ELAC1: variants seen among roughly 807,000 people sequenced by gnomAD.
The protein encoded by ELAC1 is elaC ribonuclease Z 1.
A neutral mutation model predicts 25.8 loss-of-function variants in ELAC1; 19 were observed. The observed-to-expected ratio is 0.74, with a 90% CI of 0.51 to 1.08. ELAC1 has a LOEUF of 1.08. ELAC1 is among the 50% of genes least tolerant of loss of function. The pLI, the probability that ELAC1 is intolerant of heterozygous loss-of-function variation, is 0.00. For missense variants in ELAC1, 403 were observed against 434.6 expected (o/e 0.93, Z 0.65); for synonymous variants, 148 against 160.9 (o/e 0.92, Z 0.61).
At chr18:50,971,645 C>T (rs1907656626) in intron 1 of ELAC1, among the ~76,000 whole-genome samples, 4 of 151,888 alleles carry the variant, frequency 2.6e-5, no homozygotes, top group Admixed American at 6.6e-5. Context: ...TCCTCCCACC[C>T]CAGCCTCCCA....
At chr18:50,974,639 G>C in intron 2 of ELAC1, 78 bp downstream of exon 2, 6 of 1,411,438 alleles carry the variant, frequency 4.3e-6, no homozygotes, top group Non-Finnish European at 6.0e-6. Context: ...TGGACATTTT[G>C]TTTAGAAACA....
intron 2 of ELAC1, among the ~76,000 whole-genome samples, chr18:50,980,052 T>C (rs749180406): frequency 6.6e-6 from 1 of 152,088 alleles, no homozygotes; most frequent in Non-Finnish European, 1.5e-5. Flanking sequence ...AAATAAACAG[T>C]TGGAGTTGGG....
intron 2 of ELAC1, among the ~76,000 whole-genome samples, chr18:50,975,003 G>A (rs1330562652): frequency 6.6e-6 from 1 of 152,162 alleles, no homozygotes; most frequent in Non-Finnish European, 1.5e-5. Flanking sequence ...CCTGTGGATT[G>A]TCAAAGGAGG....
intron 3 of ELAC1, 30 bp downstream of exon 3, chr18:50,984,593 C>A: frequency 6.6e-7 from 1 of 1,515,466 alleles, no homozygotes. Flanking sequence ...TTGTTTTTTC[C>A]CGCCTTCTCA....
intron 1 of ELAC1, among the ~76,000 whole-genome samples, chr18:50,974,128 ATATAGT>A (rs1907732047): frequency 6.6e-6 from 1 of 152,166 alleles, no homozygotes; most frequent in Non-Finnish European, 1.5e-5. Flanking sequence ...TGAGAACATC[ATATAGT>A]TAGAATTCAG....
rs750626518 is a variant in ELAC1 at position 50,984,411 on chromosome 18, TAGACTC to T, written c.477_482del (p.Asp159_Ser160del). 6.8e-6 allele frequency: 11 copies of T among 1,614,196 alleles called. No homozygotes were observed. The highest frequency in any genetic ancestry group is 2.2e-5 in the South Asian group (2 of 91,078). ...GAGGAACAAGGAAGAACTATCCTGT[TAGACTC>T]AGAAGAAAACTCATACCTTCTGTTT... On this transcript the variant is annotated inframe_deletion, in exon 3 of 4. Coordinates refer to ENST00000269466, the MANE Select transcript of ELAC1 (RefSeq NM_018696.3).
In ELAC1 at chr18:50,984,295, G is replaced by A; in HGVS notation, c.357G>A (p.Val119=). The A allele has an allele frequency of 6.2e-7, 1 of 1,614,104 alleles. No homozygotes were observed. The highest frequency in any genetic ancestry group is 8.5e-7 in the Non-Finnish European group (1 of 1,180,034). ...ACACGGAGCTGGTCTTCCATTATGT[G>A]GTTCATGAACTGGTTCCTACAGCAG... ...LSHTELVFHY[V]VHELVPTADQ... is the part of the protein sequence containing the mutation. The change falls in exon 3 of 4, where the codon GTG becomes GTA. Residue 119 remains valine, a synonymous_variant. Transcript: ENST00000269466.
At chr18:50,983,387 A>T (rs191963322) in intron 2 of ELAC1, among the ~76,000 whole-genome samples, 268 of 150,338 alleles carry the variant, frequency 1.8e-3, no homozygotes, top group African/African-American at 6.4e-3. Flanking sequence ...CTGGTCTCGA[A>T]CTCCCGACCT....
At chr18:50,980,413 C>T (rs1276135996) in intron 2 of ELAC1, among the ~76,000 whole-genome samples, 4 of 151,766 alleles carry the variant, frequency 2.6e-5, no homozygotes, top group Non-Finnish European at 4.4e-5. Context: ...ACAAAAAAAA[C>T]ACAACCCCAA....
chr18:50,984,471 T>C lies in ELAC1; in HGVS notation c.533T>C (p.Phe178Ser). The change falls in exon 3 of 4, where the codon TTT becomes TCT. Residue 178 changes from phenylalanine to serine, a missense_variant. By Grantham distance (155) the Phe-to-Ser change is radical. Coordinates refer to ENST00000269466, the MANE Select transcript of ELAC1 (RefSeq NM_018696.3). ...GATGAACAATTTGTTGTAAAAGCAT[T>C]TCGCCTCTTTCACAGAATTCCCTCA... ...FDDEQFVVKAFRLFHRIPSFG... is the reference protein window; with the variant it reads ...FDDEQFVVKASRLFHRIPSFG... 3.1e-6 allele frequency: 5 copies of C among 1,614,222 alleles called. No individual in the cohort carries two copies. Among genetic ancestry groups the C allele is most frequent in the Non-Finnish European group, 3.4e-6 (4 of 1,180,040 alleles).
intron 1 of ELAC1, among the ~76,000 whole-genome samples, chr18:50,973,041 A>G (rs1907704995): frequency 6.6e-6 from 1 of 152,212 alleles, no homozygotes; most frequent in Non-Finnish European, 1.5e-5. Flanking sequence ...CATAATGTGT[A>G]TCTTTTATTC....
intron 2 of ELAC1, among the ~76,000 whole-genome samples, chr18:50,979,240 C>T (rs796965415): frequency 2.0e-5 from 3 of 152,278 alleles, no homozygotes; most frequent in African/African-American, 7.2e-5. Flanking sequence ...TTATTATCTC[C>T]TAGTTACTGT....
chr18:50,980,587 ACCCCAT>A (rs780677366), intron 2 of ELAC1, among the ~76,000 whole-genome samples: 8 of 151,864 alleles, frequency 5.3e-5, no homozygotes, highest in Non-Finnish European at 1.0e-4. Context: ...ACATGGTGAA[ACCCCAT>A]CTCTACTGAA....
At chr18:50,975,189 G>A (rs1907770154) in intron 2 of ELAC1, among the ~76,000 whole-genome samples, 1 of 152,070 alleles carries the variant, frequency 6.6e-6, no homozygotes, top group Admixed American at 6.6e-5. Context: ...TAGCATATCA[G>A]CAAACTTCAA....
intron 2 of ELAC1, among the ~76,000 whole-genome samples, chr18:50,977,080 C>G (rs1798107581): frequency 1.3e-5 from 2 of 152,162 alleles, no homozygotes; most frequent in Non-Finnish European, 2.9e-5. Flanking sequence ...AGGGTATAGC[C>G]CACTTCCTGG....
At chr18:50,980,894 G>A (rs1354208089) in intron 2 of ELAC1, among the ~76,000 whole-genome samples, 1 of 151,896 alleles carries the variant, frequency 6.6e-6, no homozygotes, top group African/African-American at 2.4e-5. Flanking sequence ...AGCACCCTCA[G>A]TACATACTAA....
chr18:50,978,660 G>A (rs887612677), intron 2 of ELAC1, among the ~76,000 whole-genome samples: 1 of 152,192 alleles, frequency 6.6e-6, no homozygotes, highest in Non-Finnish European at 1.5e-5. Flanking sequence ...ATGTGTGTGT[G>A]TGTGAGAGAG....
At position 50,970,251 on chromosome 18, in the gene ELAC1, G is replaced by T. The variant is rs74692232; in HGVS notation, c.-9+2137G>T. Among the ~76,000 whole-genome samples the T allele has an allele frequency of 2.3e-3, 357 of 152,206 alleles. 14 individuals carry two copies. The East Asian group carries it at 0.059, about 25-fold the overall frequency. ...TTTACAAGCAGGAGCCACCGTACCTGACCTTCACTGATATGTTTTAAAAGC... is the reference window on the plus strand; with the variant it reads ...TTTACAAGCAGGAGCCACCGTACCTTACCTTCACTGATATGTTTTAAAAGC... On this transcript the variant is annotated intron_variant, in intron 1 of 3. Coordinates refer to ENST00000269466, the MANE Select transcript of ELAC1 (RefSeq NM_018696.3).
intron 2 of ELAC1, among the ~76,000 whole-genome samples, chr18:50,978,915 T>C (rs1048117476): frequency 6.6e-5 from 10 of 152,246 alleles, no homozygotes; most frequent in Non-Finnish European, 2.9e-5. Flanking sequence ...AGTTATATAC[T>C]GTCTTGTGTT....
Sources: allele counts gnomAD v4.1 joint callset (sites outside exome capture counted in the v4.1 genomes callset), GRCh38; gene constraint gnomAD v4.1.1; transcripts MANE v1.5; gene names NCBI Gene and HGNC (gene_info 2026-07-23, HGNC 2026-07-21).